The following ZBTB20 variants were observed in gnomAD, a reference collection of about 807,000 sequenced individuals.
ZBTB20 encodes zinc finger and BTB domain containing 20.
In ZBTB20, 9 loss-of-function variants were observed where a neutral mutation model predicts 56.9. That is an observed-to-expected ratio of 0.16 (90% CI 0.10 to 0.28). The LOEUF (loss-of-function observed/expected upper bound fraction) is 0.28. Ranked by LOEUF, ZBTB20 falls within the 10% of genes least tolerant of loss-of-function variation. The pLI is 1.00. For missense variants in ZBTB20, 655 were observed against 1,003.0 expected (o/e 0.65, Z 4.69); for synonymous variants, 417 against 420.7 (o/e 0.99, Z 0.11).
At chr3:114,657,186 T>C (rs1383199083) in intron 6 of ZBTB20, among the ~76,000 whole-genome samples, 1 of 152,234 alleles carries the variant, frequency 6.6e-6, no homozygotes, top group Non-Finnish European at 1.5e-5. Context: ...TCTAGCAGGT[T>C]ATTAAATTAC....
chr3:114,511,244 C>A (rs1416727995), intron 6 of ZBTB20, among the ~76,000 whole-genome samples: 1 of 151,662 alleles, frequency 6.6e-6, no homozygotes, highest in Non-Finnish European at 1.5e-5. Flanking sequence ...CATAGAAATA[C>A]ATCCTGGCCA....
In ZBTB20 at chr3:114,513,919, CAA is replaced by C. The variant is rs77125827; in HGVS notation, c.-294-13530_-294-13529del. Among the ~76,000 whole-genome samples the C allele has an allele frequency of 4.0e-3, 459 of 113,602 alleles. 4 individuals carry two copies. The highest frequency in any genetic ancestry group is 0.029 in the East Asian group (114 of 3,972). The allele number at this position is 113,602 out of a possible 152,430, so 74.5% of individuals were successfully genotyped here. ...GGAAGAATTCTAGGAGACAGGGAGA[CAA>C]AAAAAAAAAAGAATTTAGAGAAGAC... On this transcript the variant is annotated intron_variant, in intron 6 of 11. Transcript: ENST00000675478.
chr3:114,322,329 A>C lies in ZBTB20; in HGVS notation c.*16676T>G, dbSNP rs1386628585. ...AACCTCTGATCAAATCCAAAGTCAT[A>C]AAGATAGTTCAGTACGTCCTCTGAT... On this transcript the variant is annotated 3_prime_UTR_variant, in exon 12 of 12. Coordinates refer to ENST00000675478, the MANE Select transcript of ZBTB20 (RefSeq NM_001348800.3). 1 of 152,232 alleles carries C rather than the reference A, an allele frequency of 6.6e-6. No homozygotes were observed. Among genetic ancestry groups the C allele is most frequent in the African/African-American group, 2.4e-5 (1 of 41,456 alleles). 9.4% of individuals were successfully genotyped at this position (152,232 alleles called of 1,614,324 possible). A position where few individuals can be genotyped will look rare whatever the true frequency, so the allele number is the denominator to read the frequency against.
intron 2 of ZBTB20, among the ~76,000 whole-genome samples, chr3:114,997,467 T>C (rs2079074139): frequency 6.6e-6 from 1 of 151,824 alleles, no homozygotes; most frequent in Non-Finnish European, 1.5e-5. Flanking sequence ...ACATGAAAAG[T>C]CAAAAAGCAA....
intron 4 of ZBTB20, among the ~76,000 whole-genome samples, chr3:114,808,770 C>T (rs1409518014): frequency 2.3e-4 from 35 of 152,008 alleles, no homozygotes; most frequent in Non-Finnish European, 1.0e-4. Flanking sequence ...TAAATAATGA[C>T]GTGATGAGGT....
chr3:114,975,343 A>G (rs898042940), intron 2 of ZBTB20, among the ~76,000 whole-genome samples: 1 of 152,190 alleles, frequency 6.6e-6, no homozygotes, highest in African/African-American at 2.4e-5. Flanking sequence ...TTAGGCATTC[A>G]AAGTTTCAAA....
At chr3:114,552,957 TA>T (rs1375660546) in intron 6 of ZBTB20, among the ~76,000 whole-genome samples, 4 of 152,244 alleles carry the variant, frequency 2.6e-5, no homozygotes, top group Non-Finnish European at 5.9e-5. Context: ...AAGTCCAAGC[TA>T]AACTAGTGAT....
chr3:114,472,449 C>G (rs761478373), intron 7 of ZBTB20, among the ~76,000 whole-genome samples: 8 of 152,166 alleles, frequency 5.3e-5, no homozygotes, highest in Non-Finnish European at 8.8e-5. Context: ...GTGGCTCATG[C>G]CTTTAATCTC....
At chr3:114,846,307 T>A (rs1470186583) in intron 4 of ZBTB20, among the ~76,000 whole-genome samples, 4 of 152,170 alleles carry the variant, frequency 2.6e-5, no homozygotes, top group African/African-American at 9.7e-5. Flanking sequence ...ACTCAAAGGC[T>A]CTTTATTCTT....
chr3:114,668,009 A>G (rs1169776810), intron 6 of ZBTB20, among the ~76,000 whole-genome samples: 3 of 152,030 alleles, frequency 2.0e-5, no homozygotes, highest in Non-Finnish European at 2.9e-5. Flanking sequence ...TTTGTGTTAC[A>G]TATTTTAAAA....
At chr3:115,144,011 A>G (rs1391696538) in intron 1 of ZBTB20, among the ~76,000 whole-genome samples, 3 of 152,228 alleles carry the variant, frequency 2.0e-5, no homozygotes, top group Non-Finnish European at 4.4e-5. Context: ...AAGCTCCACA[A>G]GGGCAGGCAA....
At chr3:115,073,193 A>G (rs2082473125) in intron 1 of ZBTB20, among the ~76,000 whole-genome samples, 1 of 152,212 alleles carries the variant, frequency 6.6e-6, no homozygotes, top group Non-Finnish European at 1.5e-5. Flanking sequence ...GTTAGAACAC[A>G]GTTTAAGAAA....
intron 2 of ZBTB20, among the ~76,000 whole-genome samples, chr3:115,070,287 C>A (rs1253772043): frequency 6.6e-6 from 1 of 150,702 alleles, no homozygotes; most frequent in African/African-American, 2.4e-5. Flanking sequence ...CTTTCCAAAG[C>A]ACCAACTTAA....
At chr3:114,377,864 G>T (rs1049159140) in intron 10 of ZBTB20, among the ~76,000 whole-genome samples, 20 of 152,062 alleles carry the variant, frequency 1.3e-4, no homozygotes, top group Non-Finnish European at 2.6e-4. Flanking sequence ...TCATGACTAA[G>T]AATAATTTTG....
chr3:114,963,297 CTGTT>C (rs2077523681), intron 3 of ZBTB20, among the ~76,000 whole-genome samples: 1 of 152,068 alleles, frequency 6.6e-6, no homozygotes, highest in Admixed American at 6.6e-5. Context: ...GTTGGTGTCT[CTGTT>C]TACTAACTGC....
At chr3:114,753,299 TG>T (rs1181710245) in intron 5 of ZBTB20, among the ~76,000 whole-genome samples, 7 of 144,824 alleles carry the variant, frequency 4.8e-5, no homozygotes, top group East Asian at 2.0e-4. Context: ...TATGTATACC[TG>T]TATATATAAT....
At chr3:114,513,672 C>A (rs1220273987) in intron 6 of ZBTB20, among the ~76,000 whole-genome samples, 1 of 152,064 alleles carries the variant, frequency 6.6e-6, no homozygotes, top group Non-Finnish European at 1.5e-5. Context: ...AGGGAGAGGT[C>A]ATTTTGGGGC....
chr3:115,009,639 G>C (rs891984567), intron 2 of ZBTB20, among the ~76,000 whole-genome samples: 1 of 151,952 alleles, frequency 6.6e-6, no homozygotes, highest in African/African-American at 2.4e-5. Flanking sequence ...CAATGCAACA[G>C]TGTTGAAAGG....
intron 6 of ZBTB20, among the ~76,000 whole-genome samples, chr3:114,575,845 G>T (rs1215923079): frequency 1.3e-5 from 2 of 152,212 alleles, no homozygotes; most frequent in Non-Finnish European, 2.9e-5. Context: ...AAATAGCCAT[G>T]AATGGACCTA....
Sources: allele counts gnomAD v4.1 joint callset (sites outside exome capture counted in the v4.1 genomes callset), GRCh38; gene constraint gnomAD v4.1.1; transcripts MANE v1.5; gene names NCBI Gene and HGNC (gene_info 2026-07-23, HGNC 2026-07-21).